WNT16: variants seen among roughly 807,000 people sequenced by gnomAD.
WNT16 encodes Wnt family member 16.
Under a neutral mutation model 35.4 loss-of-function variants are expected in WNT16, and 20 were observed. That is an observed-to-expected ratio of 0.56 (90% CI 0.40 to 0.82). The LOEUF is 0.82. WNT16 is among the 40% of genes least tolerant of loss of function. The probability of loss-of-function intolerance (pLI) is 0.00; values close to 1 mark genes in which losing one functional copy is unlikely to be tolerated. For synonymous variants in WNT16, 180 were observed against 179.2 expected (o/e 1.00, Z -0.03); for missense variants, 461 against 466.0 (o/e 0.99, Z 0.10).
chr7:121,336,162 A>C (rs1167791376), intron 3 of WNT16, among the ~76,000 whole-genome samples: 6 of 151,844 alleles, frequency 4.0e-5, no homozygotes, highest in Admixed American at 3.9e-4. Context: ...AGGTCAGGTT[A>C]TTGATATTTT....
intron 3 of WNT16, among the ~76,000 whole-genome samples, chr7:121,336,842 C>T (rs976833977): frequency 4.6e-5 from 7 of 152,184 alleles, no homozygotes; most frequent in Non-Finnish European, 1.0e-4. Flanking sequence ...ATCGGCTCCT[C>T]AGTCATGATC....
In WNT16 at chr7:121,339,556, T is replaced by C; in HGVS notation, c.*211T>C. On this transcript the variant is annotated 3_prime_UTR_variant, in exon 4 of 4. Coordinates refer to ENST00000222462, the MANE Select transcript of WNT16 (RefSeq NM_057168.2). ...TGTGGATTTCTTGGGATTCTAATGTTGAAAAGGTTTATATTCACCTTTTGA... is the reference window on the plus strand; with the variant it reads ...TGTGGATTTCTTGGGATTCTAATGTCGAAAAGGTTTATATTCACCTTTTGA... 1 of 542,890 alleles carries C rather than the reference T, an allele frequency of 1.8e-6. No individual in the cohort carries two copies. Among genetic ancestry groups the C allele is most frequent in the Non-Finnish European group, 3.3e-6 (1 of 306,822 alleles). 33.6% of individuals were successfully genotyped at this position (542,890 alleles called of 1,614,324 possible).
chr7:121,339,376 C>A lies in WNT16; in HGVS notation c.*31C>A. 1 of 1,582,358 alleles carries A rather than the reference C, an allele frequency of 6.3e-7. No individual in the cohort carries two copies. ...CCATCCAGCCTTGGGCAAGATGCCT[C>A]AGCAATATACAATGGCATTGCAACC... is the stretch of plus-strand genomic sequence containing the variant. On this transcript the variant is annotated 3_prime_UTR_variant, in exon 4 of 4. Coordinates refer to ENST00000222462, the MANE Select transcript of WNT16 (RefSeq NM_057168.2).
At position 121,339,418 on chromosome 7, in the gene WNT16, C is replaced by T; in HGVS notation, c.*73C>T. ...ATTGCAACCAGAGAGGTGCCCATCC[C>T]TGTGCAGCGCTAGTAAAGTTGACTC... is the stretch of plus-strand genomic sequence containing the variant. On this transcript the variant is annotated 3_prime_UTR_variant, in exon 4 of 4. Transcript: ENST00000222462. The T allele has an allele frequency of 1.5e-6, 2 of 1,366,950 alleles. No homozygotes were observed. Among genetic ancestry groups the T allele is most frequent in the South Asian group, 1.3e-5 (1 of 75,644 alleles). 84.7% of individuals were successfully genotyped at this position (1,366,950 alleles called of 1,614,324 possible).
In WNT16 at chr7:121,329,104, T is replaced by A. The variant is rs539389365; in HGVS notation, c.-189T>A. On this transcript the variant is annotated 5_prime_UTR_variant, in exon 1 of 4. Coordinates refer to ENST00000222462, the MANE Select transcript of WNT16 (RefSeq NM_057168.2). ...CCCAGGCTGCTCTCTCCATCTCTCC[T>A]ACAGCTCCCTGCAAACGAGGGGGAA... is the stretch of plus-strand genomic sequence containing the variant. The A allele has an allele frequency of 2.9e-6, 4 of 1,374,380 alleles. No individual in the cohort carries two copies. In the African/African-American group the frequency reaches 5.8e-5, roughly 20 times the overall value. 85.1% of individuals were successfully genotyped at this position (1,374,380 alleles called of 1,614,324 possible).
At chr7:121,329,917 T>A in intron 2 of WNT16, 100 bp downstream of exon 2, 1 of 1,483,642 alleles carries the variant, frequency 6.7e-7, no homozygotes, top group South Asian at 1.3e-5. Flanking sequence ...GTCCTGTAGC[T>A]CTCTAAGTTC....
At chr7:121,329,863 ACTC>A (rs573962156) in intron 2 of WNT16, 46 bp downstream of exon 2, 25,877 of 1,584,296 alleles carry the variant, frequency 0.016, 295 homozygotes, top group Middle Eastern at 0.022. Context: ...GAAGGCGACA[ACTC>A]CTCCACCGGT....
Position 121,331,812 on chromosome 7 carries a change from G to C in WNT16, c.481G>C (p.Glu161Gln). Residue 161 changes from glutamate to glutamine, a missense_variant, in exon 3 of 4, where the codon GAA becomes CAA. By Grantham distance (29) the Glu-to-Gln change is conservative (BLOSUM62 2). Coordinates refer to ENST00000222462, the MANE Select transcript of WNT16 (RefSeq NM_057168.2). ...TTLQNGGSAS[E>Q]GWHWGGCSDD... ...CTTGCAGAACGGCGGCTCAGCAAGT[G>C]AAGGCTGGCACTGGGGGGGCTGCTC... The C allele has an allele frequency of 6.2e-7, 1 of 1,614,212 alleles. No homozygotes were observed. The highest frequency in any genetic ancestry group is 1.1e-5 in the South Asian group (1 of 91,080).
At position 121,340,478 on chromosome 7, in the gene WNT16, T is replaced by C. The variant is rs1401356159; in HGVS notation, c.*1133T>C. On this transcript the variant is annotated 3_prime_UTR_variant, in exon 4 of 4. Transcript: ENST00000222462. ...GCAGTTAGTTATATGGATGTGTATT[T>C]CTTGCTAAAATGACAGTTTTATATG... 2 of 152,086 alleles carry C rather than the reference T, an allele frequency of 1.3e-5. No homozygotes were observed. Among genetic ancestry groups the C allele is most frequent in the African/African-American group, 2.4e-5 (1 of 41,446 alleles). The allele number at this position is 152,086 out of a possible 1,614,324, so 9.4% of individuals were successfully genotyped here. A position where few individuals can be genotyped will look rare whatever the true frequency, so the allele number is the denominator to read the frequency against.
At chr7:121,327,236 C>T (rs879784687), upstream of WNT16, among the ~76,000 whole-genome samples, 1 of 151,944 alleles carries the variant, frequency 6.6e-6, no homozygotes, top group Non-Finnish European at 1.5e-5. Flanking sequence ...ACATAGTGTA[C>T]ACTCAATAAA....
upstream of WNT16, chr7:121,325,457 G>A: frequency 3.1e-6 from 5 of 1,613,376 alleles, no homozygotes; most frequent in Non-Finnish European, 3.4e-6. Context: ...TCTTCACAGG[G>A]GCTTCTCAAA....
At chr7:121,332,551 A>G (rs1282426115) in intron 3 of WNT16, among the ~76,000 whole-genome samples, 2 of 152,090 alleles carry the variant, frequency 1.3e-5, no homozygotes, top group South Asian at 2.1e-4. Flanking sequence ...TTGAATTTTT[A>G]TGATATTTTT....
At chr7:121,332,786 T>C (rs1025121823) in intron 3 of WNT16, among the ~76,000 whole-genome samples, 2 of 152,150 alleles carry the variant, frequency 1.3e-5, no homozygotes, top group East Asian at 1.9e-4. Context: ...ATTAAATCTA[T>C]AGATATTTTA....
At position 121,339,616 on chromosome 7, in the gene WNT16, A is replaced by G; in HGVS notation, c.*271A>G. The G allele has an allele frequency of 2.2e-6, 1 of 463,450 alleles. No individual in the cohort carries two copies. The highest frequency in any genetic ancestry group is 3.8e-6 in the Non-Finnish European group (1 of 263,012). The allele number at this position is 463,450 out of a possible 1,614,324, so 28.7% of individuals were successfully genotyped here. A position where few individuals can be genotyped will look rare whatever the true frequency, so the allele number is the denominator to read the frequency against. ...GAATATATATTGACATACAAGGAAG[A>G]TAATCTGTTTCCTAAGCAAGAAATA... On this transcript the variant is annotated 3_prime_UTR_variant, in exon 4 of 4. Coordinates refer to ENST00000222462, the MANE Select transcript of WNT16 (RefSeq NM_057168.2).
At chr7:121,333,061 A>G (rs1793379476) in intron 3 of WNT16, among the ~76,000 whole-genome samples, 1 of 152,062 alleles carries the variant, frequency 6.6e-6, no homozygotes, top group South Asian at 2.1e-4. Context: ...TCTATGTTGT[A>G]ATAAACTTTT....
chr7:121,332,313 T>C (rs999170575), intron 3 of WNT16, among the ~76,000 whole-genome samples: 1 of 152,154 alleles, frequency 6.6e-6, no homozygotes, highest in Admixed American at 6.5e-5. Flanking sequence ...TACCCTTTCA[T>C]GAATATATAC....
intron 3 of WNT16, among the ~76,000 whole-genome samples, chr7:121,338,517 AC>A (rs1249757926): frequency 6.6e-6 from 1 of 152,240 alleles, no homozygotes; most frequent in African/African-American, 2.4e-5. Flanking sequence ...GGTATCAGGA[AC>A]ATACAGGCAT....
intron 3 of WNT16, among the ~76,000 whole-genome samples, chr7:121,335,485 C>G (rs1398389049): frequency 6.6e-6 from 1 of 152,038 alleles, no homozygotes; most frequent in Non-Finnish European, 1.5e-5. Context: ...GTTAACAAAA[C>G]ATTCCTCTGT....
At position 121,338,970 on chromosome 7, in the gene WNT16, T is replaced by C. The variant is rs956429073; in HGVS notation, c.723T>C (p.Ser241=). The C allele has an allele frequency of 6.2e-7, 1 of 1,614,182 alleles. No individual in the cohort carries two copies. The highest frequency in any genetic ancestry group is 8.5e-7 in the Non-Finnish European group (1 of 1,180,024). The part of the protein sequence containing the change: ...AVKTCWKTMS[S]FEKIGHLLKD... ...AAACATGCTGGAAAACCATGTCTTC[T>C]TTTGAAAAGATTGGCCATTTGTTGA... The change falls in exon 4 of 4, where the codon TCT becomes TCC. Residue 241 remains serine, a synonymous_variant. Transcript: ENST00000222462.
Sources: gnomAD v4.1 joint callset for allele counts (sites outside exome capture counted in the v4.1 genomes callset) on GRCh38, gnomAD v4.1.1 for gene constraint, MANE v1.5 for transcripts, NCBI Gene and HGNC (gene_info 2026-07-23, HGNC 2026-07-21) for gene names.